NCEH1: variants seen among roughly 807,000 people sequenced by gnomAD.
The protein encoded by NCEH1 is neutral cholesterol ester hydrolase 1.
Under a neutral mutation model 25.4 loss-of-function variants are expected in NCEH1, and 9 were observed. The observed-to-expected ratio is 0.35, with a 90% CI of 0.21 to 0.62. The LOEUF is 0.62. Among genes scored for constraint, NCEH1 ranks in the 20% least tolerant of loss-of-function variants. NCEH1 has a pLI of 0.72. For missense variants in NCEH1, 412 were observed against 501.1 expected (o/e 0.82, Z 1.70); for synonymous variants, 200 against 199.8 (o/e 1.00, Z -0.01).
chr3:172,684,666 T>C (rs1433063109), intron 1 of NCEH1, among the ~76,000 whole-genome samples: 2 of 152,200 alleles, frequency 1.3e-5, no homozygotes, highest in East Asian at 1.9e-4. Flanking sequence ...GAATTCACAG[T>C]TTAGCAGAGT....
In NCEH1 at chr3:172,638,409, G is replaced by T. The variant is rs143887517; in HGVS notation, c.438-2322C>A. ...TCATGCAAAATGCTTTTTTTTTCCA[G>T]TTGATTTTTCACTATGTATGAAAGC... On this transcript the variant is annotated intron_variant, in intron 3 of 4. Transcript: ENST00000475381. 4.7e-4 allele frequency among the ~76,000 whole-genome samples: 68 copies of T among 144,830 alleles called. No homozygotes were observed. The East Asian group carries it at 0.014, about 30-fold the overall frequency.
chr3:172,673,333 G>A (rs1711755084), intron 1 of NCEH1, among the ~76,000 whole-genome samples: 1 of 152,104 alleles, frequency 6.6e-6, no homozygotes, highest in African/African-American at 2.4e-5. Flanking sequence ...TGTCCTCTAG[G>A]GGGAGCTCTT....
chr3:172,696,274 C>CT (rs1713363919), intron 1 of NCEH1, among the ~76,000 whole-genome samples: 1 of 122,822 alleles, frequency 8.1e-6, no homozygotes, highest in East Asian at 2.3e-4. Context: ...TAGCCATAAC[C>CT]AACAGCAGCC....
intron 1 of NCEH1, among the ~76,000 whole-genome samples, chr3:172,651,425 T>C (rs1717400234): frequency 6.6e-6 from 1 of 152,146 alleles, no homozygotes; most frequent in African/African-American, 2.4e-5. Context: ...CCTCCTACCA[T>C]ACTGCCCAGA....
At chr3:172,653,765 T>TTTTG in intron 1 of NCEH1, among the ~76,000 whole-genome samples, 1 of 134,380 alleles carries the variant, frequency 7.4e-6, no homozygotes, top group Admixed American at 7.5e-5. Context: ...TTTTTGTTTT[T>TTTTG]TTTTTTTTTT....
At chr3:172,682,593 G>T (rs1712443979) in intron 1 of NCEH1, among the ~76,000 whole-genome samples, 1 of 152,118 alleles carries the variant, frequency 6.6e-6, no homozygotes, top group Admixed American at 6.5e-5. Flanking sequence ...TTGGGGGTAG[G>T]TTTGCACAGG....
At chr3:172,656,017 G>A (rs1247601260) in intron 1 of NCEH1, among the ~76,000 whole-genome samples, 1 of 152,178 alleles carries the variant, frequency 6.6e-6, no homozygotes, top group Non-Finnish European at 1.5e-5. Flanking sequence ...AAGAAGGCAG[G>A]TTGTCAAATG....
At chr3:172,665,792 T>C (rs1050500126) in intron 1 of NCEH1, among the ~76,000 whole-genome samples, 2 of 152,144 alleles carry the variant, frequency 1.3e-5, no homozygotes, top group African/African-American at 2.4e-5. Context: ...CGCCGAGCCA[T>C]GCGCGGGATA....
intron 2 of NCEH1, 67 bp from the exon 3 acceptor site, chr3:172,645,759 G>T: frequency 3.2e-6 from 3 of 938,516 alleles, no homozygotes; most frequent in Non-Finnish European, 4.8e-6. Context: ...CATAAATTCT[G>T]CTAAGTGTGA....
At chr3:172,666,678 G>A (rs1030543824) in intron 1 of NCEH1, among the ~76,000 whole-genome samples, 3 of 152,114 alleles carry the variant, frequency 2.0e-5, no homozygotes, top group Non-Finnish European at 2.9e-5. Flanking sequence ...TCATTCATCG[G>A]AGCGGTGAGT....
intron 1 of NCEH1, among the ~76,000 whole-genome samples, chr3:172,672,810 G>T (rs938633822): frequency 2.6e-5 from 4 of 152,196 alleles, no homozygotes; most frequent in East Asian, 1.9e-4. Flanking sequence ...AGTGTGGCAG[G>T]CCAGGGTATT....
At chr3:172,681,597 T>C (rs909498745) in intron 1 of NCEH1, among the ~76,000 whole-genome samples, 19 of 151,948 alleles carry the variant, frequency 1.3e-4, no homozygotes, top group Non-Finnish European at 2.2e-4. Flanking sequence ...AAACCAAGAC[T>C]GAACACATTC....
At position 172,633,056 on chromosome 3, in the gene NCEH1, T is replaced by C. The variant is rs1560175286; in HGVS notation, c.*419A>G. On this transcript the variant is annotated 3_prime_UTR_variant, in exon 5 of 5. Coordinates refer to ENST00000475381, the MANE Select transcript of NCEH1 (RefSeq NM_020792.6). Reference sequence around the variant, plus strand: ...ATTTAATACTGCTCTGAACTCAAGGTTAACTCTAGCAGAATTAAGGAGTCC... The same window carrying C: ...ATTTAATACTGCTCTGAACTCAAGGCTAACTCTAGCAGAATTAAGGAGTCC... 1 of 178,774 alleles carries C rather than the reference T, an allele frequency of 5.6e-6. No homozygotes were observed. The highest frequency in any genetic ancestry group is 5.5e-5 in the Admixed American group (1 of 18,046). The allele number at this position is 178,774 out of a possible 1,614,324, so 11.1% of individuals were successfully genotyped here. A position where few individuals can be genotyped will look rare whatever the true frequency, so the allele number is the denominator to read the frequency against.
chr3:172,637,563 G>C (rs1312045460), intron 3 of NCEH1, among the ~76,000 whole-genome samples: 1 of 150,400 alleles, frequency 6.6e-6, no homozygotes, highest in Non-Finnish European at 1.5e-5. Flanking sequence ...GACCAGCCTG[G>C]CCAACATGGT....
At chr3:172,698,000 G>A (rs61279347) in intron 1 of NCEH1, among the ~76,000 whole-genome samples, 7,601 of 126,626 alleles carry the variant, frequency 0.06, 724 homozygotes, top group African/African-American at 0.22. Context: ...TTTTTGAGAC[G>A]GAGTCTCACT....
intron 1 of NCEH1, among the ~76,000 whole-genome samples, chr3:172,681,724 TA>T (rs1441707774): frequency 8.8e-6 from 1 of 113,576 alleles, no homozygotes; most frequent in African/African-American, 4.0e-5. Context: ...ACCCTGTCTC[TA>T]GTAAAAATAC....
intron 1 of NCEH1, among the ~76,000 whole-genome samples, chr3:172,688,622 T>C (rs546079): frequency 0.16 from 23,766 of 152,174 alleles, 2,274 homozygotes; most frequent in Non-Finnish European, 0.22. Context: ...ATATAAGATA[T>C]GTATTTTTAA....
In NCEH1 at chr3:172,633,653, AG is replaced by A; in HGVS notation, c.1048del (p.Leu350SerfsTer19). The A allele has an allele frequency of 1.9e-6, 3 of 1,614,206 alleles. No individual in the cohort carries two copies. The highest frequency in any genetic ancestry group is 2.5e-6 in the Non-Finnish European group (3 of 1,180,034). On this transcript the variant is annotated frameshift_variant, in exon 5 of 5. Transcript: ENST00000475381. LOFTEE classifies it high-confidence loss of function. ...GGCATACATGATGCCATCGTCTCTG[AG>A]GACATCATGCTCACACGTCAGAATG... ...TYILTCEHDV[L>X]RDDGIMYAKR...
Position 172,633,903 on chromosome 3 carries a change from T to A in NCEH1, c.799A>T (p.Ile267Phe). 1 of 1,614,224 alleles carries A rather than the reference T, an allele frequency of 6.2e-7. No individual in the cohort carries two copies. Among genetic ancestry groups the A allele is most frequent in the Non-Finnish European group, 8.5e-7 (1 of 1,180,040 alleles). ...TCAAGTGAAGTGTGATTGTTAACGA[T>A]CATTGCCTGCACAAAGTCATAGTTG... The part of the protein sequence containing the change: ...KGNYDFVQAM[I>F]VNNHTSLDVE... The change falls in exon 5 of 5, where the codon ATC (isoleucine) becomes TTC (phenylalanine). Residue 267 changes from isoleucine (I) to phenylalanine (F), a missense_variant. Around this residue, in one of 3 missense-constraint regions of NCEH1, gnomAD observed 210 missense variants for 258.2 expected, o/e 0.81. Coordinates refer to ENST00000475381, the MANE Select transcript of NCEH1 (RefSeq NM_020792.6).
Sources: gnomAD v4.1 joint callset for allele counts (sites outside exome capture counted in the v4.1 genomes callset) on GRCh38, gnomAD v4.1.1 for gene constraint, gnomAD v4.1.1 regional missense constraint, MANE v1.5 for transcripts, NCBI Gene and HGNC (gene_info 2026-07-23, HGNC 2026-07-21) for gene names.